GRM5: variants seen among roughly 807,000 people sequenced by gnomAD.
GRM5 encodes the protein glutamate metabotropic receptor 5.
In GRM5, 19 loss-of-function variants were observed where a neutral mutation model predicts 83.1. That is an observed-to-expected ratio of 0.23 (90% CI 0.16 to 0.34). The LOEUF is 0.34. Ranked by LOEUF, GRM5 falls within the 10% of genes least tolerant of loss-of-function variation. The probability of loss-of-function intolerance (pLI) is 1.00; values close to 1 mark genes in which losing one functional copy is unlikely to be tolerated. For missense variants in GRM5, 1,160 were observed against 1,588.3 expected (o/e 0.73, Z 4.58); for synonymous variants, 675 against 633.6 (o/e 1.07, Z -0.98).
At position 88,521,286 on chromosome 11, in the gene GRM5, G is replaced by A. The variant is rs142719365; in HGVS notation, c.2726+4023C>T. On this transcript the variant is annotated intron_variant, in intron 9 of 9. Coordinates refer to ENST00000305447, the MANE Select transcript of GRM5 (RefSeq NM_001143831.3). ...CAAAAAATTAGCCGGGCGTGGTGGC[G>A]GGCATCTGTAATCCCAGCTACTCAG... Among the ~76,000 whole-genome samples the A allele has an allele frequency of 6.8e-3, 1,041 of 152,134 alleles. 12 individuals are homozygous for A. Among genetic ancestry groups the A allele is most frequent in the African/African-American group, 0.024 (980 of 41,496 alleles).
intron 3 of GRM5, among the ~76,000 whole-genome samples, chr11:88,678,629 C>A (rs1426855345): frequency 2.6e-5 from 4 of 151,948 alleles, no homozygotes; most frequent in Admixed American, 2.0e-4. Context: ...AGCTTTGATG[C>A]CATAAGAGTT....
At chr11:88,559,276 T>C (rs1265268348) in intron 8 of GRM5, among the ~76,000 whole-genome samples, 1 of 152,188 alleles carries the variant, frequency 6.6e-6, no homozygotes. Flanking sequence ...AGGAAATTCC[T>C]TGGCGGGGAG....
chr11:88,514,039 T>C (rs1941457863), intron 9 of GRM5, among the ~76,000 whole-genome samples: 3 of 152,068 alleles, frequency 2.0e-5, no homozygotes, highest in Admixed American at 1.3e-4. Flanking sequence ...CTTCCCTCAC[T>C]GAATATTTTG....
intron 7 of GRM5, among the ~76,000 whole-genome samples, chr11:88,575,038 A>G (rs1943080236): frequency 6.9e-6 from 1 of 144,342 alleles, no homozygotes; most frequent in Non-Finnish European, 1.5e-5. Flanking sequence ...AAAGTTCCCA[A>G]GTTTTCTTCA....
intron 4 of GRM5, among the ~76,000 whole-genome samples, chr11:88,641,224 C>T (rs1200858769): frequency 6.6e-6 from 1 of 151,962 alleles, no homozygotes; most frequent in Non-Finnish European, 1.5e-5. Context: ...TAGCTAGATC[C>T]TGTAAGAACT....
intron 8 of GRM5, among the ~76,000 whole-genome samples, chr11:88,550,794 A>G (rs1032149749): frequency 1.3e-5 from 2 of 152,254 alleles, no homozygotes; most frequent in East Asian, 1.9e-4. Context: ...CAATACTGAC[A>G]TTTCATTGAT....
intron 3 of GRM5, among the ~76,000 whole-genome samples, chr11:88,849,451 T>G (rs2135539522): frequency 6.6e-6 from 1 of 152,276 alleles, no homozygotes; most frequent in African/African-American, 2.4e-5. Context: ...TGATATAAAA[T>G]AACAAGCCAA....
At chr11:88,571,223 G>A (rs1942993897) in intron 7 of GRM5, among the ~76,000 whole-genome samples, 1 of 152,042 alleles carries the variant, frequency 6.6e-6, no homozygotes, top group Admixed American at 6.6e-5. Flanking sequence ...TTCATGTTCA[G>A]CTTATTAACA....
chr11:88,559,643 G>A (rs1287481508), intron 8 of GRM5, among the ~76,000 whole-genome samples: 1 of 152,170 alleles, frequency 6.6e-6, no homozygotes, highest in African/African-American at 2.4e-5. Flanking sequence ...ACTGGCAAAT[G>A]CCAGTGCAGC....
At chr11:88,597,600 A>C (rs1306659188) in intron 5 of GRM5, among the ~76,000 whole-genome samples, 1 of 152,118 alleles carries the variant, frequency 6.6e-6, no homozygotes, top group East Asian at 1.9e-4. Context: ...ACTTGACCCC[A>C]GCAGGATGAA....
At chr11:88,529,743 T>C (rs1941964311) in intron 8 of GRM5, among the ~76,000 whole-genome samples, 2 of 151,914 alleles carry the variant, frequency 1.3e-5, no homozygotes, top group Non-Finnish European at 2.9e-5. Context: ...GTAGCGATAA[T>C]ACAGATGAAA....
chr11:88,734,965 TA>T (rs1941882502), intron 3 of GRM5, among the ~76,000 whole-genome samples: 1 of 152,062 alleles, frequency 6.6e-6, no homozygotes, highest in Admixed American at 6.6e-5. Context: ...AATTAGATAG[TA>T]ACATATTAAA....
chr11:88,678,022 T>G (rs1940379907), intron 3 of GRM5, among the ~76,000 whole-genome samples: 1 of 151,636 alleles, frequency 6.6e-6, no homozygotes, highest in South Asian at 2.1e-4. Context: ...GGAATTAAGA[T>G]TACAAACGTG....
At chr11:88,950,031 ATTTTTTT>A (rs58554674) in intron 2 of GRM5, among the ~76,000 whole-genome samples, 2 of 139,578 alleles carry the variant, frequency 1.4e-5, no homozygotes, top group African/African-American at 5.3e-5. Context: ...AGCCTGGCTA[ATTTTTTT>A]TTTTTTTTTT....
intron 2 of GRM5, among the ~76,000 whole-genome samples, chr11:88,998,251 G>A (rs755162728): frequency 9.9e-5 from 15 of 152,144 alleles, no homozygotes; most frequent in African/African-American, 3.6e-4. Flanking sequence ...CCATGACCAA[G>A]TGGTGTTTAT....
intron 2 of GRM5, among the ~76,000 whole-genome samples, chr11:88,974,374 G>T (rs1245485676): frequency 1.4e-5 from 2 of 147,826 alleles, no homozygotes; most frequent in South Asian, 2.2e-4. Context: ...CCTGGCAATA[G>T]AGATAGATAG....
At chr11:89,007,440 A>G (rs10741298) in intron 2 of GRM5, among the ~76,000 whole-genome samples, 89,531 of 152,062 alleles carry the variant, frequency 0.59, 26,433 homozygotes, top group South Asian at 0.71. Flanking sequence ...TGGTCACATT[A>G]TTAATAATCA....
At chr11:88,913,196 T>C (rs5001807) in intron 2 of GRM5, among the ~76,000 whole-genome samples, 4 of 152,284 alleles carry the variant, frequency 2.6e-5, no homozygotes, top group East Asian at 1.9e-4. Context: ...ATGGCCAGAA[T>C]TGAGCACAGT....
At chr11:89,009,455 A>C (rs1257569706) in intron 2 of GRM5, among the ~76,000 whole-genome samples, 2 of 152,222 alleles carry the variant, frequency 1.3e-5, no homozygotes, top group African/African-American at 4.8e-5. Flanking sequence ...AATTTACCCA[A>C]GATTATCAAG....
Sources: allele counts gnomAD v4.1 joint callset (sites outside exome capture counted in the v4.1 genomes callset), GRCh38; gene constraint gnomAD v4.1.1; transcripts MANE v1.5; gene names NCBI Gene and HGNC (gene_info 2026-07-23, HGNC 2026-07-21).